The following BCL2 variants were observed in gnomAD, a reference collection of about 807,000 sequenced individuals.
BCL2 encodes BCL2 apoptosis regulator, also known as apoptosis regulator Bcl-2.
BCL2 carries 1 observed loss-of-function variant against 14.2 expected under a neutral mutation model. The observed-to-expected ratio is 0.07, with a 90% CI of 0.02 to 0.33. The LOEUF (loss-of-function observed/expected upper bound fraction) is 0.33. BCL2 is among the 10% of genes least tolerant of loss of function. The pLI, the probability that BCL2 is intolerant of heterozygous loss-of-function variation, is 0.99. For synonymous variants in BCL2, 151 were observed against 137.2 expected (o/e 1.10, Z -0.70); for missense variants, 247 against 305.9 (o/e 0.81, Z 1.44).
In BCL2 at chr18:63,318,340, G is replaced by A. The variant is rs1913567664; in HGVS notation, c.327C>T (p.Arg109=). 1 of 1,611,890 alleles carries A rather than the reference G, an allele frequency of 6.2e-7. No individual in the cohort carries two copies. The highest frequency in any genetic ancestry group is 8.5e-7 in the Non-Finnish European group (1 of 1,178,574). ...GGCTGGACATCTCGGCGAAGTCGCG[G>A]CGGTAGCGGCGGGAGAAGTCGTCGC... ...QAGDDFSRRY[R]RDFAEMSSQL... The change falls in exon 2 of 3, where the codon CGC becomes CGT. Residue 109 remains arginine (R), a synonymous_variant. Transcript: ENST00000333681. The surrounding 1 kb of genome is among the most constrained non-coding windows in gnomAD (Gnocchi z 7.4).
intron 2 of BCL2, among the ~76,000 whole-genome samples, chr18:63,216,386 C>G (rs904565701): frequency 7.6e-6 from 1 of 131,554 alleles, no homozygotes; most frequent in South Asian, 2.9e-4. Context: ...ACATAGGAGG[C>G]CTTAAATGTT....
At chr18:63,255,439 A>G (rs1911443272) in intron 2 of BCL2, among the ~76,000 whole-genome samples, 1 of 152,170 alleles carries the variant, frequency 6.6e-6, no homozygotes, top group South Asian at 2.1e-4. Flanking sequence ...GAGGGACACG[A>G]CTGTCTACAC....
chr18:63,226,912 CAGAT>C (rs1330628025), intron 2 of BCL2, among the ~76,000 whole-genome samples: 7 of 152,008 alleles, frequency 4.6e-5, no homozygotes, highest in Non-Finnish European at 7.4e-5. Context: ...AAAGAGGACT[CAGAT>C]AGATAAATAG....
At chr18:63,236,839 G>A (rs549760014) in intron 2 of BCL2, among the ~76,000 whole-genome samples, 41 of 152,282 alleles carry the variant, frequency 2.7e-4, no homozygotes, top group East Asian at 7.7e-4. Flanking sequence ...GATCTTGTCC[G>A]GGACAGGTCC....
At position 63,229,590 on chromosome 18, in the gene BCL2, T is replaced by A. The variant is rs57229783; in HGVS notation, c.585+88492A>T. On this transcript the variant is annotated intron_variant, in intron 2 of 2. Transcript: ENST00000333681. ...TGTTTGGCACCTTCCCCGTCTCCTCTCTCTTACTCCTTCTCTGGCTATGTG... is the reference window on the plus strand; with the variant it reads ...TGTTTGGCACCTTCCCCGTCTCCTCACTCTTACTCCTTCTCTGGCTATGTG... 3.0e-3 allele frequency among the ~76,000 whole-genome samples: 450 copies of A among 152,292 alleles called. 5 individuals are homozygous for A. The highest frequency in any genetic ancestry group is 1.0e-2 in the African/African-American group (414 of 41,554).
chr18:63,128,016 C>G lies in BCL2; in HGVS notation c.*609G>C, dbSNP rs1913956103. 4.4e-6 allele frequency: 1 copy of G among 225,800 alleles called. No individual in the cohort carries two copies. Among genetic ancestry groups the G allele is most frequent in the East Asian group, 6.3e-5 (1 of 15,788 alleles). 14.0% of individuals were successfully genotyped at this position (225,800 alleles called of 1,614,324 possible). The stretch of plus-strand genomic sequence containing the variant: ...AAGTTCCCAACTCTTTTCCTCCCAC[C>G]AGGTATGCATCATGTGAGTCATATG... On this transcript the variant is annotated 3_prime_UTR_variant, in exon 3 of 3. Transcript: ENST00000333681.
At chr18:63,151,721 G>A (rs1356201291) in intron 2 of BCL2, among the ~76,000 whole-genome samples, 1 of 152,136 alleles carries the variant, frequency 6.6e-6, no homozygotes, top group Non-Finnish European at 1.5e-5. Flanking sequence ...TAGTTTCCGT[G>A]GCAGCCTAAG....
At chr18:63,150,446 G>GT (rs947184187) in intron 2 of BCL2, among the ~76,000 whole-genome samples, 1 of 152,114 alleles carries the variant, frequency 6.6e-6, no homozygotes. Context: ...CATTGTGATG[G>GT]TTTTTTTTCT....
At chr18:63,193,397 C>T (rs1909341552) in intron 2 of BCL2, among the ~76,000 whole-genome samples, 1 of 151,818 alleles carries the variant, frequency 6.6e-6, no homozygotes, top group East Asian at 1.9e-4. Context: ...TTCTCTCTTC[C>T]CCTAGGCCCT....
At chr18:63,208,282 T>C (rs1380372359) in intron 2 of BCL2, 1 of 152,226 alleles carries the variant, frequency 6.6e-6, no homozygotes, top group Non-Finnish European at 1.5e-5. Flanking sequence ...CTTTTGTTTA[T>C]GAAAATTGTT....
At chr18:63,161,099 G>A (rs1282444364) in intron 2 of BCL2, among the ~76,000 whole-genome samples, 1 of 152,020 alleles carries the variant, frequency 6.6e-6, no homozygotes, top group African/African-American at 2.4e-5. Flanking sequence ...CAATCTCCCA[G>A]CAATGAAAAC....
At chr18:63,213,814 G>A (rs986044631) in intron 2 of BCL2, among the ~76,000 whole-genome samples, 27 of 152,046 alleles carry the variant, frequency 1.8e-4, no homozygotes, top group African/African-American at 2.7e-4. Context: ...TTCTCAGAGC[G>A]GGCTGGTCAG....
intron 2 of BCL2, among the ~76,000 whole-genome samples, chr18:63,134,746 A>G (rs568091503): frequency 5.9e-4 from 90 of 152,292 alleles, no homozygotes; most frequent in Non-Finnish European, 9.9e-4. Context: ...AACTAAATCA[A>G]TGGGTGCCGC....
intron 2 of BCL2, among the ~76,000 whole-genome samples, chr18:63,254,633 T>TTATA (rs1351021024): frequency 6.6e-6 from 1 of 152,160 alleles, no homozygotes; most frequent in East Asian, 1.9e-4. Context: ...TACCAGTTTT[T>TTATA]TATAGCCCAA....
At chr18:63,148,952 G>A (rs1914578795) in intron 2 of BCL2, among the ~76,000 whole-genome samples, 1 of 152,092 alleles carries the variant, frequency 6.6e-6, no homozygotes, top group Non-Finnish European at 1.5e-5. Flanking sequence ...CCAGAATTCT[G>A]ACATAAAATA....
intron 2 of BCL2, among the ~76,000 whole-genome samples, chr18:63,241,281 T>C (rs762650436): frequency 2.6e-5 from 4 of 152,202 alleles, no homozygotes; most frequent in African/African-American, 7.2e-5. Flanking sequence ...AAAACATAAA[T>C]GTTAAAGGGT....
chr18:63,285,179 T>C (rs1912435057), intron 2 of BCL2, among the ~76,000 whole-genome samples: 1 of 152,200 alleles, frequency 6.6e-6, no homozygotes, highest in Non-Finnish European at 1.5e-5. Context: ...GGATTCTTTC[T>C]AAACGGAAAA....
At chr18:63,191,088 T>C (rs1265991576) in intron 2 of BCL2, among the ~76,000 whole-genome samples, 1 of 152,228 alleles carries the variant, frequency 6.6e-6, no homozygotes, top group Non-Finnish European at 1.5e-5. Context: ...ACATTTTCTT[T>C]ATCCAGTCTA....
At chr18:63,250,801 A>G (rs1292811509) in intron 2 of BCL2, among the ~76,000 whole-genome samples, 1 of 152,260 alleles carries the variant, frequency 6.6e-6, no homozygotes, top group Non-Finnish European at 1.5e-5. Context: ...ACCAATAAAC[A>G]GCAAATAATA....
Sources: allele counts gnomAD v4.1 joint callset (sites outside exome capture counted in the v4.1 genomes callset), GRCh38; gene constraint gnomAD v4.1.1; non-coding constraint Gnocchi (gnomAD v3.1); transcripts MANE v1.5; gene names NCBI Gene and HGNC (gene_info 2026-07-23, HGNC 2026-07-21).